The following CAMK2D variants were observed in gnomAD, a reference collection of about 807,000 sequenced individuals.
The protein encoded by CAMK2D is calcium/calmodulin dependent protein kinase II delta.
A neutral mutation model predicts 84.0 loss-of-function variants in CAMK2D; 37 were observed. The ratio of observed to expected loss-of-function variants is 0.44; its 90% CI spans 0.34 to 0.58. The LOEUF is 0.58. Among genes scored for constraint, CAMK2D ranks in the 20% least tolerant of loss-of-function variants. CAMK2D has a pLI of 0.02. For missense variants in CAMK2D, 448 were observed against 652.5 expected (o/e 0.69, Z 3.41); for synonymous variants, 202 against 212.5 (o/e 0.95, Z 0.43).
intron 4 of CAMK2D, among the ~76,000 whole-genome samples, chr4:113,591,582 A>C (rs559473073): frequency 9.8e-5 from 15 of 152,296 alleles, no homozygotes; most frequent in Admixed American, 2.0e-4. Flanking sequence ...CCTTAACTCT[A>C]TTTTAAAAAA....
At chr4:113,557,978 A>G (rs1172026646) in intron 4 of CAMK2D, among the ~76,000 whole-genome samples, 1 of 152,220 alleles carries the variant, frequency 6.6e-6, no homozygotes, top group Admixed American at 6.5e-5. Context: ...TGCCAAGCAT[A>G]ACCTTTGGTC....
intron 14 of CAMK2D, among the ~76,000 whole-genome samples, chr4:113,504,188 TAAATC>T (rs2098095443): frequency 6.6e-6 from 1 of 152,188 alleles, no homozygotes; most frequent in African/African-American, 2.4e-5. Flanking sequence ...CTGAAAATCA[TAAATC>T]AAAATATGAA....
intron 12 of CAMK2D, among the ~76,000 whole-genome samples, chr4:113,512,425 GCT>G (rs2098227263): frequency 6.6e-6 from 1 of 152,142 alleles, no homozygotes; most frequent in Non-Finnish European, 1.5e-5. Flanking sequence ...CATTTATTAT[GCT>G]CTGATAGTAC....
At chr4:113,726,374 CTTTTT>C (rs34696947) in intron 2 of CAMK2D, among the ~76,000 whole-genome samples, 6 of 69,546 alleles carry the variant, frequency 8.6e-5, no homozygotes, top group Admixed American at 2.2e-4. Flanking sequence ...TTTGCTTGGG[CTTTTT>C]TTTTTTTTTT....
At chr4:113,653,320 C>T (rs963357871) in intron 3 of CAMK2D, among the ~76,000 whole-genome samples, 1 of 151,892 alleles carries the variant, frequency 6.6e-6, no homozygotes, top group Non-Finnish European at 1.5e-5. Flanking sequence ...AGTAATTTGG[C>T]CTTCTCACCA....
chr4:113,487,598 A>G (rs1182870360), intron 16 of CAMK2D, among the ~76,000 whole-genome samples: 2 of 152,086 alleles, frequency 1.3e-5, no homozygotes, highest in Non-Finnish European at 2.9e-5. Flanking sequence ...CTTTAGAAAC[A>G]TAAAATTTGA....
rs369899737 is a variant in CAMK2D, at chr4:113,492,714, G to A, written c.1135+7749C>T. Among the ~76,000 whole-genome samples, 59 of 147,482 alleles carry A rather than the reference G, an allele frequency of 4.0e-4. 1 individual carries two copies. Among genetic ancestry groups the A allele is most frequent in the East Asian group, 3.7e-3 (19 of 5,146 alleles). On this transcript the variant is annotated intron_variant, in intron 16 of 20. Coordinates refer to ENST00000511664, the MANE Select transcript of CAMK2D (RefSeq NM_001321571.2). ...GTTATCCTTGTTGACTTTCTGTCTC[G>A]TTGATCTGTCTAATGTTGAGAGTGG...
chr4:113,694,829 C>T (rs1455730436), intron 2 of CAMK2D, among the ~76,000 whole-genome samples: 1 of 152,122 alleles, frequency 6.6e-6, no homozygotes, highest in East Asian at 1.9e-4. Flanking sequence ...TACGTGAGAC[C>T]AGGCTTTCTA....
At chr4:113,526,338 G>A (rs764322765) in intron 8 of CAMK2D, among the ~76,000 whole-genome samples, 14 of 151,858 alleles carry the variant, frequency 9.2e-5, no homozygotes, top group Non-Finnish European at 2.1e-4. Context: ...AATATAGCAA[G>A]GTGAAAGGTG....
At chr4:113,467,309 A>T (rs2097486253) in intron 16 of CAMK2D, among the ~76,000 whole-genome samples, 1 of 152,192 alleles carries the variant, frequency 6.6e-6, no homozygotes, top group Non-Finnish European at 1.5e-5. Flanking sequence ...TCTGATCTTC[A>T]TCAAGCAGAT....
intron 3 of CAMK2D, among the ~76,000 whole-genome samples, chr4:113,620,823 G>A (rs979875739): frequency 3.3e-5 from 5 of 152,094 alleles, no homozygotes; most frequent in Admixed American, 6.6e-5. Flanking sequence ...ATATTTTTAA[G>A]TAAATTATAT....
At chr4:113,472,282 A>G (rs1371265896) in intron 16 of CAMK2D, among the ~76,000 whole-genome samples, 1 of 152,202 alleles carries the variant, frequency 6.6e-6, no homozygotes, top group African/African-American at 2.4e-5. Flanking sequence ...TACTGTGTAC[A>G]TTTTAAATCA....
rs377455071 is a variant in CAMK2D, at chr4:113,502,951, G to C, written c.1071C>G (p.Asn357Lys). The change falls in exon 15 of 21, where the codon AAC (asparagine) becomes AAG (lysine). Residue 357 changes from asparagine to lysine, a missense_variant. This residue lies in a region of CAMK2D where 219 missense variants were observed against 272.1 expected (regional missense o/e 0.80). Coordinates refer to ENST00000511664, the MANE Select transcript of CAMK2D (RefSeq NM_001321571.2). Reference sequence around the variant, plus strand: ...TTCTGAATACCTTGTTTCCATCAGGGTTGTGGATTACAGTAGTTTGGGGCT... The same window carrying C: ...TTCTGAATACCTTGTTTCCATCAGGCTTGTGGATTACAGTAGTTTGGGGCT... ...ALEPQTTVIHNPDGNKESTES... is the reference protein window; with the variant it reads ...ALEPQTTVIHKPDGNKESTES... 7.5e-6 allele frequency: 12 copies of C among 1,607,730 alleles called. No homozygotes were observed. The highest frequency in any genetic ancestry group is 1.0e-5 in the Non-Finnish European group (12 of 1,174,320).
intron 2 of CAMK2D, among the ~76,000 whole-genome samples, chr4:113,689,332 C>T (rs1282750466): frequency 6.6e-6 from 1 of 152,166 alleles, no homozygotes; most frequent in Non-Finnish European, 1.5e-5. Context: ...TCTCAGAAAG[C>T]TGACTTCCTC....
intron 14 of CAMK2D, among the ~76,000 whole-genome samples, chr4:113,504,338 C>A (rs2098097669): frequency 6.6e-6 from 1 of 152,156 alleles, no homozygotes; most frequent in Non-Finnish European, 1.5e-5. Context: ...ATAGACATAA[C>A]TGGTTTCCAC....
intron 4 of CAMK2D, among the ~76,000 whole-genome samples, chr4:113,588,997 GA>G (rs545515201): frequency 5.3e-5 from 8 of 152,296 alleles, no homozygotes; most frequent in South Asian, 2.1e-4. Context: ...TCTGAGAGGA[GA>G]GCTGGGGAGA....
chr4:113,612,234 A>C (rs1457545339), intron 3 of CAMK2D, among the ~76,000 whole-genome samples: 1 of 152,210 alleles, frequency 6.6e-6, no homozygotes, highest in Admixed American at 6.5e-5. Flanking sequence ...ACGGTCTGGA[A>C]GATAGTGTTT....
At chr4:113,529,686 C>G (rs1458671104) in intron 8 of CAMK2D, among the ~76,000 whole-genome samples, 2 of 152,064 alleles carry the variant, frequency 1.3e-5, no homozygotes, top group Non-Finnish European at 2.9e-5. Flanking sequence ...GTCTTTGGGC[C>G]TGCATAGGAT....
At chr4:113,679,242 C>G (rs2099330597) in intron 2 of CAMK2D, among the ~76,000 whole-genome samples, 1 of 152,082 alleles carries the variant, frequency 6.6e-6, no homozygotes, top group Non-Finnish European at 1.5e-5. Context: ...ATTAAACTTT[C>G]AAAGGCTTGT....
Sources: allele counts gnomAD v4.1 joint callset (sites outside exome capture counted in the v4.1 genomes callset), GRCh38; gene constraint gnomAD v4.1.1; regional missense constraint gnomAD v4.1.1; transcripts MANE v1.5; gene names NCBI Gene and HGNC (gene_info 2026-07-23, HGNC 2026-07-21).